The following RNF38 variants were observed in gnomAD, a reference collection of about 807,000 sequenced individuals.
The protein encoded by RNF38 is ring finger protein 38.
A neutral mutation model predicts 67.2 loss-of-function variants in RNF38; 15 were observed. That is an observed-to-expected ratio of 0.22 (90% CI 0.15 to 0.34). The LOEUF is 0.34. Ranked by LOEUF, RNF38 falls within the 10% of genes least tolerant of loss-of-function variation. RNF38 has a pLI of 1.00. For missense variants in RNF38, 524 were observed against 639.9 expected (o/e 0.82, Z 1.95); for synonymous variants, 220 against 218.8 (o/e 1.01, Z -0.05).
intron 2 of RNF38, 37 bp from the exon 3 acceptor site, chr9:36,376,164 C>A (rs1018535057): frequency 2.0e-6 from 3 of 1,473,474 alleles, no homozygotes; most frequent in Non-Finnish European, 2.7e-6. Flanking sequence ...TGAGTAAGAT[C>A]TTTTAAAGAT....
intron 1 of RNF38, among the ~76,000 whole-genome samples, chr9:36,429,053 C>G (rs1838860508): frequency 6.6e-6 from 1 of 152,228 alleles, no homozygotes; most frequent in Non-Finnish European, 1.5e-5. Context: ...ATAAATAACA[C>G]AAGGTCCCTG....
At chr9:36,395,326 CCT>C (rs1491362594) in intron 1 of RNF38, among the ~76,000 whole-genome samples, 1 of 151,818 alleles carries the variant, frequency 6.6e-6, no homozygotes, top group East Asian at 1.9e-4. Flanking sequence ...TCGTTCATTT[CCT>C]TTTTTTTTTT....
At chr9:36,374,753 A>T (rs1445381947) in intron 3 of RNF38, among the ~76,000 whole-genome samples, 9 of 152,226 alleles carry the variant, frequency 5.9e-5, no homozygotes, top group Admixed American at 5.2e-4. Flanking sequence ...AAGTACTGGG[A>T]TAACAGGCGT....
chr9:36,407,083 G>A (rs941314203), intron 2 of RNF38, among the ~76,000 whole-genome samples: 16 of 152,220 alleles, frequency 1.1e-4, no homozygotes, highest in African/African-American at 3.6e-4. Context: ...TTTAGCCTAC[G>A]CAGTATCTAC....
chr9:36,350,849 T>A (rs1184437323), intron 9 of RNF38, among the ~76,000 whole-genome samples: 1 of 152,222 alleles, frequency 6.6e-6, no homozygotes, highest in Non-Finnish European at 1.5e-5. Flanking sequence ...ACACATGGCT[T>A]GCATGTGACC....
chr9:36,419,757 G>T (rs1838570926), intron 2 of RNF38, among the ~76,000 whole-genome samples: 1 of 152,164 alleles, frequency 6.6e-6, no homozygotes, highest in Non-Finnish European at 1.5e-5. Flanking sequence ...TGGGGGCAGA[G>T]GTCGCAGTGA....
chr9:36,397,079 G>GTGTGTA (rs2134099882), intron 1 of RNF38, among the ~76,000 whole-genome samples: 1 of 124,924 alleles, frequency 8.0e-6, no homozygotes, highest in South Asian at 2.5e-4. Context: ...ATATGTGTGT[G>GTGTGTA]TGTATATATA....
chr9:36,410,963 G>T (rs750293145), intron 2 of RNF38, among the ~76,000 whole-genome samples: 1 of 152,190 alleles, frequency 6.6e-6, no homozygotes, highest in South Asian at 2.1e-4. Flanking sequence ...GGTGGTGGCT[G>T]CACAAAAAGG....
intron 1 of RNF38, among the ~76,000 whole-genome samples, chr9:36,438,408 C>CT (rs960334639): frequency 1.3e-5 from 2 of 151,422 alleles, no homozygotes; most frequent in East Asian, 1.9e-4. Context: ...CATTAAGAGA[C>CT]TTTTTTTGTG....
At chr9:36,372,449 C>T in intron 3 of RNF38, 2 of 656,584 alleles carry the variant, frequency 3.0e-6, no homozygotes, top group Non-Finnish European at 5.6e-6. Context: ...AATAGTATCC[C>T]TCTTTCACTT....
At chr9:36,426,082 A>G (rs1838762893) in intron 1 of RNF38, among the ~76,000 whole-genome samples, 1 of 152,192 alleles carries the variant, frequency 6.6e-6, no homozygotes, top group South Asian at 2.1e-4. Context: ...TCACCTGCTT[A>G]TTTACTATTA....
intron 1 of RNF38, among the ~76,000 whole-genome samples, chr9:36,448,528 A>G (rs1253924836): frequency 6.6e-6 from 1 of 152,208 alleles, no homozygotes; most frequent in African/African-American, 2.4e-5. Context: ...AGCCCTATCA[A>G]TAACTGACTA....
rs370254726 is a variant in RNF38, at chr9:36,372,651, C to A, written c.357-2719G>T. ...GAGTAAGACACACTGCTGAAAAAAA[C>A]ACTAGGAGAGCCAGTTTTCAGGGTG... On this transcript the variant is annotated intron_variant, in intron 3 of 11. Coordinates refer to ENST00000259605, the MANE Select transcript of RNF38 (RefSeq NM_022781.5). 1.5e-3 allele frequency: 928 copies of A among 599,960 alleles called. 15 individuals are homozygous for A. In the South Asian group the frequency reaches 0.018, roughly 12 times the overall value. The allele number at this position is 599,960 out of a possible 1,614,324, so 37.2% of individuals were successfully genotyped here.
intron 1 of RNF38, among the ~76,000 whole-genome samples, chr9:36,446,454 T>C (rs1839302032): frequency 6.6e-6 from 1 of 152,228 alleles, no homozygotes; most frequent in South Asian, 2.1e-4. Context: ...TGGAAACAAC[T>C]GTTTCTTTCT....
rs998042522 is a variant in RNF38, at chr9:36,336,590, A to C, written c.*3162T>G. ...TTGGTTACAGATATTTATAATACATACATTTAAAACTATATGTTAACTGAT... is the reference window on the plus strand; with the variant it reads ...TTGGTTACAGATATTTATAATACATCCATTTAAAACTATATGTTAACTGAT... On this transcript the variant is annotated 3_prime_UTR_variant, in exon 12 of 12. Coordinates refer to ENST00000259605, the MANE Select transcript of RNF38 (RefSeq NM_022781.5). 1.3e-5 allele frequency: 2 copies of C among 152,660 alleles called. No homozygotes were observed. Among genetic ancestry groups the C allele is most frequent in the East Asian group, 1.9e-4 (1 of 5,206 alleles). The allele number at this position is 152,660 out of a possible 1,614,324, so 9.5% of individuals were successfully genotyped here.
chr9:36,404,771 ATTTC>A (rs1484025627), upstream of RNF38, among the ~76,000 whole-genome samples: 2 of 152,062 alleles, frequency 1.3e-5, no homozygotes, highest in African/African-American at 2.4e-5. Flanking sequence ...TGGCTGTTCC[ATTTC>A]TTTCTTTCCA....
intron 2 of RNF38, among the ~76,000 whole-genome samples, chr9:36,379,142 C>T (rs1166333492): frequency 2.0e-5 from 3 of 152,108 alleles, no homozygotes; most frequent in African/African-American, 7.2e-5. Context: ...TCAGGTGATC[C>T]GACCGCCTTG....
chr9:36,462,288 C>T (rs1053655728), intron 1 of RNF38, among the ~76,000 whole-genome samples: 8 of 152,126 alleles, frequency 5.3e-5, no homozygotes, highest in Non-Finnish European at 1.2e-4. Flanking sequence ...AGCAAACTTC[C>T]CAACTATCAC....
At chr9:36,485,025 C>T (rs1229367040) in intron 1 of RNF38, among the ~76,000 whole-genome samples, 2 of 152,050 alleles carry the variant, frequency 1.3e-5, no homozygotes, top group South Asian at 2.1e-4. Context: ...AAAAATTAGC[C>T]GGGCATGGTG....
Sources: gnomAD v4.1 joint callset for allele counts (sites outside exome capture counted in the v4.1 genomes callset) on GRCh38, gnomAD v4.1.1 for gene constraint, MANE v1.5 for transcripts, NCBI Gene and HGNC (gene_info 2026-07-23, HGNC 2026-07-21) for gene names.